Variants in FKBP15 observed in about 807,000 individuals in gnomAD.
The protein encoded by FKBP15 is FKBP prolyl isomerase family member 15.
In FKBP15, 106 loss-of-function variants were observed where a neutral mutation model predicts 158.1. That is an observed-to-expected ratio of 0.67 (90% confidence interval 0.57 to 0.79). FKBP15 has a LOEUF of 0.79. Ranked by LOEUF, FKBP15 falls within the 30% of genes least tolerant of loss-of-function variation. The pLI is 0.00. For missense variants in FKBP15, 1,287 were observed against 1,479.1 expected, an observed-to-expected ratio of 0.87 and a Z score of 2.13; for synonymous variants, 547 against 548.6, an observed-to-expected ratio of 1.00 and a Z score of 0.04.
At chr9:113,191,862 G>A (rs914661280) in intron 11 of FKBP15, among the ~76,000 whole-genome samples, 6 of 151,738 alleles carry the variant, frequency 4.0e-5, no homozygotes, top group Non-Finnish European at 4.4e-5. Context: ...AGGAATAGGA[G>A]TGAGTCCTCA....
intron 4 of FKBP15, among the ~76,000 whole-genome samples, chr9:113,205,691 C>G (rs1830872951): frequency 6.6e-6 from 1 of 152,096 alleles, no homozygotes; most frequent in Admixed American, 6.6e-5. Flanking sequence ...AGGAACTTGA[C>G]CATATACTTT....
chr9:113,184,403 C>T lies in FKBP15; in HGVS notation c.1609-4G>A, dbSNP rs374570880. ...TATGTTTCTGTAACTCTTCAACCTA[C>T]AAAAGGGATACCAGAAAGACCTTGT... On this transcript the variant is annotated splice_region_variant and splice_polypyrimidine_tract_variant and intron_variant, in intron 16 of 27. Transcript: ENST00000238256. The surrounding 1 kb of genome is among the most constrained non-coding windows in gnomAD (Gnocchi z 4.5). 14 of 1,579,860 alleles carry T rather than the reference C, an allele frequency of 8.9e-6. No homozygotes were observed. The highest frequency in any genetic ancestry group is 4.5e-5 in the South Asian group (4 of 87,916).
rs569994888 is a variant in FKBP15, at chr9:113,203,051, G to A, written c.325-16C>T. ...GAATCCTATACTGTAGACAAGCAAC[G>A]ACAGATAGAAAAAAAAAAAGAGAGA... On this transcript the variant is annotated splice_polypyrimidine_tract_variant and intron_variant, in intron 4 of 27. Transcript: ENST00000238256. 32 of 1,525,986 alleles carry A rather than the reference G, an allele frequency of 2.1e-5. No homozygotes were observed. Among genetic ancestry groups the A allele is most frequent in the South Asian group, 8.5e-5 (7 of 82,402 alleles). 94.5% of individuals were successfully genotyped at this position (1,525,986 alleles called of 1,614,324 possible). A position where few individuals can be genotyped will look rare whatever the true frequency, so the allele number is the denominator to read the frequency against.
In FKBP15 at chr9:113,194,000, G is replaced by A. The variant is rs377326305; in HGVS notation, c.1007+27C>T. On this transcript the variant is annotated intron_variant, in intron 10 of 27. Transcript: ENST00000238256. Reference sequence around the variant, plus strand: ...AGAATCATTTTTATGAGCCATAAAAGAGCTTGATACAACTGCAGTATCTTA... The same window carrying A: ...AGAATCATTTTTATGAGCCATAAAAAAGCTTGATACAACTGCAGTATCTTA... 9.2e-5 allele frequency: 145 copies of A among 1,576,628 alleles called. No homozygotes were observed. The African/African-American group carries it at 1.8e-3, about 20-fold the overall frequency.
At chr9:113,173,145 A>G (rs1830243332) in intron 23 of FKBP15, among the ~76,000 whole-genome samples, 1 of 152,130 alleles carries the variant, frequency 6.6e-6, no homozygotes, top group Non-Finnish European at 1.5e-5. Flanking sequence ...GGTTCCTTGT[A>G]TGCACTTCCT....
At chr9:113,219,338 A>G (rs532809694) in intron 1 of FKBP15, among the ~76,000 whole-genome samples, 1 of 152,252 alleles carries the variant, frequency 6.6e-6, no homozygotes, top group Non-Finnish European at 1.5e-5. Context: ...TTACAGTAAT[A>G]TATGGCTATA....
chr9:113,184,300 T>A lies in FKBP15; in HGVS notation c.1708A>T (p.Ile570Phe). The A allele has an allele frequency of 1.3e-6, 2 of 1,594,762 alleles. No homozygotes were observed. The highest frequency in any genetic ancestry group is 1.7e-6 in the Non-Finnish European group (2 of 1,169,178). Residue 570 changes from isoleucine (I) to phenylalanine (F), a missense_variant, in exon 17 of 28, where the codon ATC becomes TTC. Ile to Phe is a conservative substitution (Grantham distance 21). Transcript: ENST00000238256. The surrounding 1 kb of genome is among the most constrained non-coding windows in gnomAD (Gnocchi z 4.5). ...TTCTTAATCACCCTCACCTGAATGA[T>A]TCGCTGGATGTTGCTCATAATCATG... ...TSMIMSNIQR[I>F]IQENERLKQE...
rs1284963594 is a variant in FKBP15 at position 113,171,854 on chromosome 9, T to C, written c.2533-148A>G. 4.3e-6 allele frequency: 3 copies of C among 703,274 alleles called. No individual in the cohort carries two copies. The African/African-American group carries it at 5.4e-5, about 13-fold the overall frequency. The allele number at this position is 703,274 out of a possible 1,614,324, so 43.6% of individuals were successfully genotyped here. On this transcript the variant is annotated intron_variant, in intron 23 of 27. Coordinates refer to ENST00000238256, the MANE Select transcript of FKBP15 (RefSeq NM_015258.2). ...CAATTTTATTTCAAATTCTTTTTTTTTATTATTATTATACTTTAAGTTCTA... is the reference window on the plus strand; with the variant it reads ...CAATTTTATTTCAAATTCTTTTTTTCTATTATTATTATACTTTAAGTTCTA...
Position 113,190,452 on chromosome 9 carries a change from T to C in FKBP15, c.1173+19A>G. ...GCGACATCTGTACTATTCATTCTAA[T>C]ACAGCCAGGGGGACATACTTCGATT... On this transcript the variant is annotated intron_variant, in intron 12 of 27. Coordinates refer to ENST00000238256, the MANE Select transcript of FKBP15 (RefSeq NM_015258.2). 6.4e-7 allele frequency: 1 copy of C among 1,570,508 alleles called. No homozygotes were observed. The highest frequency in any genetic ancestry group is 1.7e-4 in the Middle Eastern group (1 of 5,990).
chr9:113,161,592 C>T lies in FKBP15; in HGVS notation c.*4486G>A, dbSNP rs2118837198. The T allele has an allele frequency of 6.2e-7, 1 of 1,614,024 alleles. No individual in the cohort carries two copies. The highest frequency in any genetic ancestry group is 2.2e-5 in the East Asian group (1 of 44,882). On this transcript the variant is annotated 3_prime_UTR_variant, in exon 28 of 28. Transcript: ENST00000238256. ...GGTTGGCAAAGCCAAGCTGCTCAAC[C>T]AGGTACTGGTGAACCTGCCAACCTC... is the stretch of plus-strand genomic sequence containing the variant.
At chr9:113,210,358 G>A (rs1830976720) in intron 2 of FKBP15, among the ~76,000 whole-genome samples, 1 of 135,290 alleles carries the variant, frequency 7.4e-6, no homozygotes, top group South Asian at 2.4e-4. Flanking sequence ...TTTTGAGACG[G>A]AGTCTTGCTC....
At chr9:113,205,643 C>T (rs576669277) in intron 4 of FKBP15, among the ~76,000 whole-genome samples, 80 of 152,266 alleles carry the variant, frequency 5.3e-4, no homozygotes, top group African/African-American at 1.9e-3. Flanking sequence ...AATTACCATA[C>T]GAGTCAGCAA....
At chr9:113,208,116 G>C (rs1246848834) in intron 2 of FKBP15, among the ~76,000 whole-genome samples, 2 of 152,170 alleles carry the variant, frequency 1.3e-5, no homozygotes, top group Admixed American at 1.3e-4. Flanking sequence ...GGCCGAGGCA[G>C]GTGGATCACG....
intron 3 of FKBP15, 45 bp downstream of exon 3, chr9:113,207,167 G>A (rs749201846): frequency 5.4e-6 from 8 of 1,482,824 alleles, no homozygotes; most frequent in Admixed American, 1.7e-5. Flanking sequence ...TTAACTGCAC[G>A]CCCTTCCACC....
intron 2 of FKBP15, among the ~76,000 whole-genome samples, chr9:113,207,981 T>C (rs1830925915): frequency 6.6e-6 from 1 of 152,220 alleles, no homozygotes; most frequent in Non-Finnish European, 1.5e-5. Context: ...TTATTTCCCC[T>C]TCCCTGTCTT....
At chr9:113,187,700 T>C in intron 14 of FKBP15, 93 bp downstream of exon 14, 1 of 1,008,026 alleles carries the variant, frequency 9.9e-7, no homozygotes, top group Non-Finnish European at 1.5e-6. Context: ...TTTGGGGAAC[T>C]GCTACTGTAT....
chr9:113,208,514 A>AG (rs1830938724), intron 2 of FKBP15, among the ~76,000 whole-genome samples: 2 of 152,108 alleles, frequency 1.3e-5, no homozygotes, highest in Admixed American at 1.3e-4. Context: ...AACTCGTTTG[A>AG]TTTTTTCTGT....
rs7866432 is a variant in FKBP15, at chr9:113,196,919, G to C, written c.864+13C>G. On this transcript the variant is annotated intron_variant, in intron 9 of 27. Coordinates refer to ENST00000238256, the MANE Select transcript of FKBP15 (RefSeq NM_015258.2). ...GAGGACTCATCAAACAAAACACAGA[G>C]AGTTTCACTCACCCGCCTAACCTCC... The C allele has an allele frequency of 0.19, 302,788 of 1,612,202 alleles. 30,923 individuals carry two copies. Among genetic ancestry groups the C allele is most frequent in the African/African-American group, 0.36 (26,885 of 74,890 alleles).
Position 113,176,674 on chromosome 9 carries a change from C to T in FKBP15, c.2087-1G>A, listed in dbSNP as rs1274385930. ...GCTTGCTCAGAGGTTTCTTGGAGCTCTGGGATACAGGAGCAGAGAGACTTC... is the reference window on the plus strand; with the variant it reads ...GCTTGCTCAGAGGTTTCTTGGAGCTTTGGGATACAGGAGCAGAGAGACTTC... On this transcript the variant is annotated splice_acceptor_variant, in intron 20 of 27. Transcript: ENST00000238256. LOFTEE classifies it high-confidence loss of function. The T allele has an allele frequency of 3.7e-6, 6 of 1,609,134 alleles. No homozygotes were observed. The highest frequency in any genetic ancestry group is 2.7e-5 in the African/African-American group (2 of 74,866).
Sources: allele counts gnomAD v4.1 joint callset (sites outside exome capture counted in the v4.1 genomes callset), GRCh38; gene constraint gnomAD v4.1.1; non-coding constraint Gnocchi (gnomAD v3.1); transcripts MANE v1.5; gene names NCBI Gene and HGNC (gene_info 2026-07-23, HGNC 2026-07-21).